ROBO2: variants seen among roughly 807,000 people sequenced by gnomAD.
ROBO2 encodes roundabout guidance receptor 2.
Under a neutral mutation model 160.8 loss-of-function variants are expected in ROBO2, and 53 were observed. The observed-to-expected ratio is 0.33, with a 90% CI of 0.26 to 0.41. The LOEUF is 0.41. ROBO2 is among the 10% of genes least tolerant of loss of function. The pLI is 1.00. For missense variants in ROBO2, 1,577 were observed against 1,722.4 expected (o/e 0.92, Z 1.49); for synonymous variants, 664 against 611.7 (o/e 1.09, Z -1.26).
At chr3:77,153,193 T>A (rs2077688826) in intron 2 of ROBO2, among the ~76,000 whole-genome samples, 1 of 152,180 alleles carries the variant, frequency 6.6e-6, no homozygotes, top group Non-Finnish European at 1.5e-5. Flanking sequence ...AAACGTTTGG[T>A]AGACTTTTCC....
At chr3:76,662,878 G>A (rs2091885435) in intron 2 of ROBO2, among the ~76,000 whole-genome samples, 2 of 152,150 alleles carry the variant, frequency 1.3e-5, no homozygotes, top group African/African-American at 2.4e-5. Flanking sequence ...AGGACATGGA[G>A]TGTCCTTCAC....
At chr3:76,517,818 T>G (rs2081414554) in intron 2 of ROBO2, among the ~76,000 whole-genome samples, 1 of 152,144 alleles carries the variant, frequency 6.6e-6, no homozygotes, top group Non-Finnish European at 1.5e-5. Flanking sequence ...GTATCTACCT[T>G]TTCCTCTCCT....
chr3:77,472,149 C>A (rs1270376466), intron 2 of ROBO2, among the ~76,000 whole-genome samples: 1 of 152,030 alleles, frequency 6.6e-6, no homozygotes, highest in East Asian at 1.9e-4. Context: ...AGGTCACAAT[C>A]TTTTATAAAC....
intron 2 of ROBO2, among the ~76,000 whole-genome samples, chr3:76,805,181 T>C (rs551997267): frequency 3.9e-5 from 6 of 152,216 alleles, no homozygotes; most frequent in Admixed American, 2.6e-4. Flanking sequence ...TTAACTGACT[T>C]CTTTTTCCTT....
chr3:76,454,715 A>G (rs1416683312), intron 2 of ROBO2, among the ~76,000 whole-genome samples: 1 of 152,184 alleles, frequency 6.6e-6, no homozygotes, highest in Non-Finnish European at 1.5e-5. Flanking sequence ...GGAAGCACAT[A>G]TTAAATAATT....
intron 2 of ROBO2, among the ~76,000 whole-genome samples, chr3:77,103,783 T>G (rs190449814): frequency 1.5e-3 from 223 of 152,264 alleles, no homozygotes; most frequent in African/African-American, 5.1e-3. Context: ...AATAGAAAAT[T>G]AAATTGATGG....
At chr3:77,058,099 T>C (rs1213675923) in intron 1 of ROBO2, among the ~76,000 whole-genome samples, 2 of 152,210 alleles carry the variant, frequency 1.3e-5, no homozygotes, top group Non-Finnish European at 2.9e-5. Context: ...GTTTTCCTAA[T>C]TGTTATTAAG....
chr3:76,539,478 AT>A (rs1333096815), intron 2 of ROBO2, among the ~76,000 whole-genome samples: 3 of 152,076 alleles, frequency 2.0e-5, no homozygotes, highest in African/African-American at 7.2e-5. Context: ...ATCTTCACAT[AT>A]TTTTTCCCTG....
intron 2 of ROBO2, among the ~76,000 whole-genome samples, chr3:76,984,656 A>G (rs551848158): frequency 1.3e-5 from 2 of 152,128 alleles, no homozygotes; most frequent in Admixed American, 6.6e-5. Context: ...CCCTGGATCT[A>G]AAACTAACAA....
At chr3:76,991,997 A>G (rs2060693004) in intron 2 of ROBO2, among the ~76,000 whole-genome samples, 2 of 152,122 alleles carry the variant, frequency 1.3e-5, no homozygotes, top group African/African-American at 2.4e-5. Flanking sequence ...AATTTCTATG[A>G]CCAAATAGAA....
At chr3:77,025,194 C>T (rs2062888557) in intron 2 of ROBO2, among the ~76,000 whole-genome samples, 1 of 152,080 alleles carries the variant, frequency 6.6e-6, no homozygotes, top group South Asian at 2.1e-4. Flanking sequence ...TATTATTAGG[C>T]ATTTAAGGTC....
intron 2 of ROBO2, among the ~76,000 whole-genome samples, chr3:76,583,847 C>T (rs1385446105): frequency 1.3e-5 from 2 of 152,116 alleles, no homozygotes; most frequent in East Asian, 3.9e-4. Context: ...CTATTCCACA[C>T]CTAATTTTAG....
At chr3:77,336,721 G>T (rs908925904) in intron 2 of ROBO2, among the ~76,000 whole-genome samples, 1 of 152,174 alleles carries the variant, frequency 6.6e-6, no homozygotes, top group African/African-American at 2.4e-5. Flanking sequence ...CAAAATCTCT[G>T]GTTCCCTGCC....
intron 2 of ROBO2, among the ~76,000 whole-genome samples, chr3:77,412,700 T>A (rs377762774): frequency 6.6e-6 from 1 of 152,188 alleles, no homozygotes; most frequent in Non-Finnish European, 1.5e-5. Context: ...AGACCCATCC[T>A]GCCAAGACTG....
chr3:76,046,184 A>G (rs2067440769), intron 2 of ROBO2, among the ~76,000 whole-genome samples: 1 of 152,008 alleles, frequency 6.6e-6, no homozygotes, highest in African/African-American at 2.4e-5. Context: ...ATAGAATTAC[A>G]GCTTTCCCGG....
At chr3:77,304,457 C>T (rs113183361) in intron 2 of ROBO2, among the ~76,000 whole-genome samples, 5,150 of 152,164 alleles carry the variant, frequency 0.034, 129 homozygotes, top group Non-Finnish European at 0.053. Context: ...AAGTGAGAGC[C>T]GTTAGACGCA....
chr3:76,123,521 C>T (rs886757075), intron 2 of ROBO2, among the ~76,000 whole-genome samples: 3 of 152,008 alleles, frequency 2.0e-5, no homozygotes, highest in Non-Finnish European at 4.4e-5. Flanking sequence ...TGATTTTCTG[C>T]AAATAACAAA....
At position 77,221,924 on chromosome 3, in the gene ROBO2, C is replaced by T. The variant is rs576108036; in HGVS notation, c.388+123584C>T. 1.9e-4 allele frequency among the ~76,000 whole-genome samples: 28 copies of T among 147,782 alleles called. 1 individual carries two copies. The highest frequency in any genetic ancestry group is 6.3e-4 in the African/African-American group (25 of 39,564). Reference sequence around the variant, plus strand: ...CTGTACTGCAGTGGCACGATCTCGGCTCACTACAACCTCCGCCTCCCAGAT... The same window carrying T: ...CTGTACTGCAGTGGCACGATCTCGGTTCACTACAACCTCCGCCTCCCAGAT... On this transcript the variant is annotated intron_variant, in intron 2 of 25. Coordinates refer to ENST00000461745, the Ensembl canonical transcript of ROBO2.
intron 2 of ROBO2, among the ~76,000 whole-genome samples, chr3:76,367,107 G>T (rs567329975): frequency 2.4e-4 from 36 of 151,908 alleles, no homozygotes; most frequent in African/African-American, 8.4e-4. Flanking sequence ...CAAAATAACT[G>T]CCTTTTATCT....
Sources: allele counts gnomAD v4.1 joint callset (sites outside exome capture counted in the v4.1 genomes callset), GRCh38; gene constraint gnomAD v4.1.1; transcripts MANE v1.5; gene names NCBI Gene and HGNC (gene_info 2026-07-23, HGNC 2026-07-21).